PRKACB: variants seen among roughly 807,000 people sequenced by gnomAD.
PRKACB encodes the protein cAMP-dependent protein kinase catalytic subunit beta.
In PRKACB, 16 loss-of-function variants were observed where a neutral mutation model predicts 51.4. The observed-to-expected ratio is 0.31, with a 90% CI of 0.21 to 0.47. The LOEUF (loss-of-function observed/expected upper bound fraction) is 0.47. Ranked by LOEUF, PRKACB falls within the 20% of genes least tolerant of loss-of-function variation. The pLI is 1.00. For synonymous variants in PRKACB, 147 were observed against 154.4 expected, an observed-to-expected ratio of 0.95 and a Z score of 0.35; for missense variants, 309 against 464.5, an observed-to-expected ratio of 0.67 and a Z score of 3.08.
intron 5 of PRKACB, among the ~76,000 whole-genome samples, chr1:84,193,308 G>A (rs1667328600): frequency 6.6e-6 from 1 of 152,134 alleles, no homozygotes; most frequent in Non-Finnish European, 1.5e-5. Flanking sequence ...ACTTCATGCT[G>A]TAGTTCCCAG....
chr1:84,193,752 GTGCT>G (rs1667453691), intron 5 of PRKACB, among the ~76,000 whole-genome samples: 1 of 152,140 alleles, frequency 6.6e-6, no homozygotes. Context: ...GGTGCTCTGA[GTGCT>G]TTATTGCCCT....
chr1:84,199,463 T>C (rs1394376205), intron 7 of PRKACB, among the ~76,000 whole-genome samples: 2 of 152,178 alleles, frequency 1.3e-5, no homozygotes, highest in African/African-American at 2.4e-5. Flanking sequence ...CCATCCATGT[T>C]CATGCAAAAG....
intron 3 of PRKACB, among the ~76,000 whole-genome samples, chr1:84,183,013 A>G (rs1664022694): frequency 6.6e-6 from 1 of 152,080 alleles, no homozygotes; most frequent in Admixed American, 6.6e-5. Context: ...AGATTAAAAC[A>G]CAAATCTGAC....
At chr1:84,178,495 A>C (rs1427605568) in intron 1 of PRKACB, among the ~76,000 whole-genome samples, 1 of 152,002 alleles carries the variant, frequency 6.6e-6, no homozygotes, top group South Asian at 2.1e-4. Context: ...ATCAATATAC[A>C]AACACTTGGT....
rs780979027 is a variant in PRKACB, at chr1:84,182,292, A to T, written c.342A>T (p.Glu114Asp). 10 of 1,603,350 alleles carry T rather than the reference A, an allele frequency of 6.2e-6. No homozygotes were observed. The Admixed American group carries it at 1.0e-4, about 16-fold the overall frequency. Residue 114 changes from glutamate (E) to aspartate (D), a missense_variant, in exon 3 of 10, where the codon GAA (glutamate) becomes GAT (aspartate). By Grantham distance (45) the Glu-to-Asp change is conservative. This residue lies in a region of PRKACB where 153 missense variants were observed against 190.2 expected (regional missense o/e 0.80). Coordinates refer to ENST00000370685, the MANE Select transcript of PRKACB (RefSeq NM_182948.4). ...RVMLVKHKAT[E>D]QYYAMKILDK... ...TGTTGGTAAAACACAAAGCCACTGA[A>T]CAGTATTATGCCATGAAGATCTTAG...
intron 5 of PRKACB, among the ~76,000 whole-genome samples, chr1:84,186,511 A>G (rs1665160288): frequency 6.6e-6 from 1 of 151,936 alleles, no homozygotes; most frequent in Non-Finnish European, 1.5e-5. Flanking sequence ...GAGCTACCAC[A>G]CCTGGCCTTA....
At chr1:84,119,164 A>G (rs923033972) in intron 1 of PRKACB, among the ~76,000 whole-genome samples, 4 of 151,928 alleles carry the variant, frequency 2.6e-5, no homozygotes, top group Admixed American at 2.0e-4. Flanking sequence ...GATTTTTTTC[A>G]TTGTTCAGAA....
chr1:84,166,956 C>A (rs1242284294), intron 1 of PRKACB, among the ~76,000 whole-genome samples: 5 of 151,580 alleles, frequency 3.3e-5, no homozygotes, highest in African/African-American at 1.2e-4. Flanking sequence ...GCTCCATTTT[C>A]ATTGACTCTG....
chr1:84,230,045 C>T lies in PRKACB; in HGVS notation c.1072-5135C>T, dbSNP rs1267578064. Among the ~76,000 whole-genome samples, 24 of 151,758 alleles carry T rather than the reference C, an allele frequency of 1.6e-4. 1 individual carries two copies. Among genetic ancestry groups the T allele is most frequent in the Admixed American group, 1.1e-3 (16 of 15,238 alleles). On this transcript the variant is annotated intron_variant, in intron 9 of 9. Transcript: ENST00000370685. ...TGAATGGTAATGCCTAGGTTTTCTTCTAGGGTTTTTATGGTTTTAGGTCTA... is the reference window on the plus strand; with the variant it reads ...TGAATGGTAATGCCTAGGTTTTCTTTTAGGGTTTTTATGGTTTTAGGTCTA...
intron 7 of PRKACB, among the ~76,000 whole-genome samples, chr1:84,199,223 G>T (rs1446003230): frequency 1.3e-5 from 2 of 151,388 alleles, no homozygotes; most frequent in African/African-American, 2.4e-5. Flanking sequence ...TGTCATGGGG[G>T]TTTGTTATAC....
rs1310281838 is a variant in PRKACB, at chr1:84,237,768, C to CAGTAAAT, written c.*2465_*2471dup. 1 of 152,072 alleles carries CAGTAAAT rather than the reference C, an allele frequency of 6.6e-6. No homozygotes were observed. The highest frequency in any genetic ancestry group is 2.4e-5 in the African/African-American group (1 of 41,406). The allele number at this position is 152,072 out of a possible 1,614,324, so 9.4% of individuals were successfully genotyped here. ...GAAACAGAAGATATTATGTTATGCTCAGTAAATAATTAAGAGATGGCATTG... is the reference window on the plus strand; with the variant it reads ...GAAACAGAAGATATTATGTTATGCTCAGTAAATAGTAAATAATTAAGAGATGGCATTG... On this transcript the variant is annotated 3_prime_UTR_variant, in exon 10 of 10. Transcript: ENST00000370685.
At chr1:84,104,220 A>G (rs887039462) in intron 1 of PRKACB, among the ~76,000 whole-genome samples, 1 of 152,172 alleles carries the variant, frequency 6.6e-6, no homozygotes, top group African/African-American at 2.4e-5. Context: ...ATGGGTGAGA[A>G]CATATGGTAT....
chr1:84,079,305 T>C (rs540078875), intron 1 of PRKACB, among the ~76,000 whole-genome samples: 98 of 152,222 alleles, frequency 6.4e-4, no homozygotes, highest in Non-Finnish European at 1.2e-3. Flanking sequence ...GTATTTGTTA[T>C]ATCACCAGGA....
chr1:84,163,810 A>G (rs567578267), intron 1 of PRKACB, among the ~76,000 whole-genome samples: 1 of 152,156 alleles, frequency 6.6e-6, no homozygotes, highest in South Asian at 2.1e-4. Context: ...CCTGCCTCAC[A>G]TGGCAACTGT....
At chr1:84,110,562 A>G (rs1199934291) in intron 1 of PRKACB, among the ~76,000 whole-genome samples, 1 of 151,916 alleles carries the variant, frequency 6.6e-6, no homozygotes, top group African/African-American at 2.4e-5. Context: ...TTTACGCCTC[A>G]AATCCTCTGA....
At chr1:84,113,192 G>A (rs1478780087) in intron 1 of PRKACB, among the ~76,000 whole-genome samples, 9 of 152,078 alleles carry the variant, frequency 5.9e-5, no homozygotes, top group South Asian at 2.1e-4. Context: ...AACAAGTCAC[G>A]TAGTATCACA....
chr1:84,089,163 G>C (rs150157925), intron 1 of PRKACB, among the ~76,000 whole-genome samples: 1 of 152,192 alleles, frequency 6.6e-6, no homozygotes, highest in Non-Finnish European at 1.5e-5. Flanking sequence ...ATGTCATGGT[G>C]GAAGCTAAAA....
intron 9 of PRKACB, among the ~76,000 whole-genome samples, chr1:84,228,436 C>G (rs752734620): frequency 2.0e-5 from 3 of 152,142 alleles, no homozygotes; most frequent in African/African-American, 7.2e-5. Flanking sequence ...CCAGTCCTTC[C>G]TTCCTCACAG....
At chr1:84,161,891 T>G (rs536670526) in intron 1 of PRKACB, among the ~76,000 whole-genome samples, 10 of 152,104 alleles carry the variant, frequency 6.6e-5, no homozygotes, top group African/African-American at 2.4e-4. Flanking sequence ...AGCCTTTTAT[T>G]TATATATTTA....
Sources: gnomAD v4.1 joint callset for allele counts (sites outside exome capture counted in the v4.1 genomes callset) on GRCh38, gnomAD v4.1.1 for gene constraint, gnomAD v4.1.1 regional missense constraint, MANE v1.5 for transcripts, NCBI Gene and HGNC (gene_info 2026-07-23, HGNC 2026-07-21) for gene names.